The following PRKCE variants were observed in gnomAD, a reference collection of about 807,000 sequenced individuals.
PRKCE encodes protein kinase C epsilon.
Under a neutral mutation model 85.4 loss-of-function variants are expected in PRKCE, and 16 were observed. The observed-to-expected ratio is 0.19, with a 90% CI of 0.13 to 0.28. The LOEUF (loss-of-function observed/expected upper bound fraction) is 0.28, where lower values mean the gene tolerates loss of function less well. Ranked by LOEUF, PRKCE falls within the 10% of genes least tolerant of loss-of-function variation. PRKCE has a pLI of 1.00. For missense variants in PRKCE, 573 were observed against 975.2 expected (o/e 0.59, Z 5.49); for synonymous variants, 388 against 371.5 (o/e 1.04, Z -0.51).
intron 11 of PRKCE, among the ~76,000 whole-genome samples, chr2:46,124,844 C>A (rs976643706): frequency 6.6e-6 from 1 of 152,124 alleles, no homozygotes; most frequent in Non-Finnish European, 1.5e-5. Flanking sequence ...ATATCACGTG[C>A]CCCAAAATAA....
intron 2 of PRKCE, among the ~76,000 whole-genome samples, chr2:45,919,675 T>A (rs1698105813): frequency 6.6e-6 from 1 of 152,232 alleles, no homozygotes; most frequent in African/African-American, 2.4e-5. Context: ...TGGATCATTG[T>A]CATGAATTCC....
intron 2 of PRKCE, among the ~76,000 whole-genome samples, chr2:45,846,345 G>A (rs182605475): frequency 1.3e-5 from 2 of 152,226 alleles, no homozygotes; most frequent in East Asian, 3.9e-4. Flanking sequence ...GATGAGAGAC[G>A]GTCGGCGCCT....
At chr2:45,890,385 CTT>C (rs535663500) in intron 2 of PRKCE, among the ~76,000 whole-genome samples, 170 of 151,956 alleles carry the variant, frequency 1.1e-3, no homozygotes, top group African/African-American at 3.9e-3. Context: ...CTTTTCAAAA[CTT>C]TTGTGTGTGT....
rs921356876 is a variant in PRKCE at position 45,919,166 on chromosome 2, G to A, written c.413-57263G>A. Reference sequence around the variant, plus strand: ...AGGGGTAGGGAGATGAGTAGGGGTTGTGGGGTAGACAGAGGGGAAAAGAGC... The same window carrying A: ...AGGGGTAGGGAGATGAGTAGGGGTTATGGGGTAGACAGAGGGGAAAAGAGC... On this transcript the variant is annotated intron_variant, in intron 2 of 14. Transcript: ENST00000306156. 3.9e-5 allele frequency among the ~76,000 whole-genome samples: 6 copies of A among 152,226 alleles called. No individual in the cohort carries two copies. In the East Asian group the frequency reaches 1.2e-3, roughly 29 times the overall value.
At chr2:46,024,504 C>G (rs1228596694) in intron 10 of PRKCE, among the ~76,000 whole-genome samples, 1 of 152,082 alleles carries the variant, frequency 6.6e-6, no homozygotes, top group Non-Finnish European at 1.5e-5. Context: ...TGATATTCAC[C>G]TGGGATTCAT....
intron 13 of PRKCE, among the ~76,000 whole-genome samples, chr2:46,158,130 C>T (rs745634164): frequency 6.6e-6 from 1 of 152,174 alleles, no homozygotes; most frequent in Non-Finnish European, 1.5e-5. Context: ...ATTCCTAAAT[C>T]ATAGAGCTCA....
intron 1 of PRKCE, among the ~76,000 whole-genome samples, chr2:45,681,891 A>G (rs1193921945): frequency 6.6e-6 from 1 of 152,110 alleles, no homozygotes; most frequent in Non-Finnish European, 1.5e-5. Flanking sequence ...CACTTATTAC[A>G]TCCTGTCTTG....
At chr2:45,782,091 A>G (rs529062687) in intron 1 of PRKCE, among the ~76,000 whole-genome samples, 9 of 152,354 alleles carry the variant, frequency 5.9e-5, no homozygotes, top group African/African-American at 2.2e-4. Flanking sequence ...ATTAAGGGCC[A>G]GCCTTCATAG....
intron 1 of PRKCE, among the ~76,000 whole-genome samples, chr2:45,667,027 G>C (rs1456310918): frequency 6.6e-6 from 1 of 152,000 alleles, no homozygotes; most frequent in Non-Finnish European, 1.5e-5. Context: ...GTTTTTTGTA[G>C]AGGCTGGGTA....
In PRKCE at chr2:45,976,490, G is replaced by A; in HGVS notation, c.474G>A (p.Gly158=). The A allele has an allele frequency of 1.3e-6, 2 of 1,599,766 alleles. No homozygotes were observed. The highest frequency in any genetic ancestry group is 2.2e-5 in the East Asian group (1 of 44,880). The stretch of plus-strand genomic sequence containing the variant: ...GCATGCGGCCGAGGAAGCGGCAGGG[G>A]GCCGTCAGGCGCAGGGTCCATCAGG... ...RERMRPRKRQ[G]AVRRRVHQVN... The change falls in exon 3 of 15, where the codon GGG becomes GGA. Residue 158 remains glycine, a synonymous_variant. Transcript: ENST00000306156.
intron 11 of PRKCE, among the ~76,000 whole-genome samples, chr2:46,115,438 C>T (rs2104276908): frequency 6.6e-6 from 1 of 152,306 alleles, no homozygotes; most frequent in East Asian, 1.9e-4. Context: ...CTATCTTGCT[C>T]AGAGATTTGA....
intron 11 of PRKCE, among the ~76,000 whole-genome samples, chr2:46,090,681 C>A (rs568044966): frequency 6.6e-6 from 1 of 152,034 alleles, no homozygotes; most frequent in Non-Finnish European, 1.5e-5. Flanking sequence ...TTCCTCTTAT[C>A]TTTTATTTTA....
At chr2:45,749,977 A>G (rs1176331980) in intron 1 of PRKCE, among the ~76,000 whole-genome samples, 1 of 152,202 alleles carries the variant, frequency 6.6e-6, no homozygotes, top group Non-Finnish European at 1.5e-5. Context: ...TATATTCTGT[A>G]TTAAAAAAAT....
At chr2:46,175,262 G>A (rs1679313131) in intron 14 of PRKCE, among the ~76,000 whole-genome samples, 1 of 152,142 alleles carries the variant, frequency 6.6e-6, no homozygotes. Flanking sequence ...AAACTAATTG[G>A]TTCTAGATTT....
At chr2:46,039,810 C>T (rs933624766) in intron 10 of PRKCE, among the ~76,000 whole-genome samples, 2 of 152,184 alleles carry the variant, frequency 1.3e-5, no homozygotes, top group Non-Finnish European at 2.9e-5. Flanking sequence ...CTCATTTGCT[C>T]AGTGGCTCAT....
intron 11 of PRKCE, among the ~76,000 whole-genome samples, chr2:46,091,213 T>G (rs1268544258): frequency 1.3e-5 from 2 of 152,102 alleles, no homozygotes; most frequent in African/African-American, 4.8e-5. Flanking sequence ...GATCACCTGT[T>G]TCCACTTTTC....
chr2:45,867,906 C>A (rs555152238), intron 2 of PRKCE, among the ~76,000 whole-genome samples: 1 of 152,266 alleles, frequency 6.6e-6, no homozygotes, highest in East Asian at 1.9e-4. Context: ...CCTTGGGAAG[C>A]CCCCAGGTCA....
At chr2:45,753,928 A>G (rs965852054) in intron 1 of PRKCE, among the ~76,000 whole-genome samples, 2 of 152,216 alleles carry the variant, frequency 1.3e-5, no homozygotes, top group Non-Finnish European at 2.9e-5. Flanking sequence ...AAATCCAGCA[A>G]TTATTCCTAA....
chr2:46,018,267 G>A lies in PRKCE; in HGVS notation c.1437+7750G>A, dbSNP rs557719059. 1.4e-4 allele frequency among the ~76,000 whole-genome samples: 21 copies of A among 152,314 alleles called. 1 individual carries two copies. In the South Asian group the frequency reaches 4.4e-3, roughly 32 times the overall value. ...TTTAGCCATTGCTTACTGAGCACCT[G>A]CTATGTGCCGTGCCATGGGGCATCA... On this transcript the variant is annotated intron_variant, in intron 10 of 14. Coordinates refer to ENST00000306156, the MANE Select transcript of PRKCE (RefSeq NM_005400.3).
Sources: allele counts gnomAD v4.1 joint callset (sites outside exome capture counted in the v4.1 genomes callset), GRCh38; gene constraint gnomAD v4.1.1; transcripts MANE v1.5; gene names NCBI Gene and HGNC (gene_info 2026-07-23, HGNC 2026-07-21).